Variants in FAT3 observed in about 807,000 individuals in gnomAD.
FAT3 encodes FAT atypical cadherin 3.
A neutral mutation model predicts 310.2 loss-of-function variants in FAT3; 95 were observed. That is an observed-to-expected ratio of 0.31 (90% CI 0.26 to 0.36). FAT3 has a LOEUF of 0.36. Ranked by LOEUF, FAT3 falls within the 10% of genes least tolerant of loss-of-function variation. The pLI is 1.00. For synonymous variants in FAT3, 2,314 were observed against 2,192.9 expected (o/e 1.06, Z -1.54); for missense variants, 5,408 against 5,715.6 (o/e 0.95, Z 1.74).
rs138765101 is a variant in FAT3 at position 92,834,410 on chromosome 11, T to C, written c.9872-460T>C. Among the ~76,000 whole-genome samples, 836 of 152,350 alleles carry C rather than the reference T, an allele frequency of 5.5e-3. 5 individuals carry two copies. The highest frequency in any genetic ancestry group is 9.7e-3 in the Non-Finnish European group (662 of 68,030). On this transcript the variant is annotated intron_variant, in intron 14 of 27. Transcript: ENST00000525166. ...ATTTTAACTTGGCAAGGCACCTTTGTGGTTAATTCAATTCAGTGAAGTCTG... is the reference window on the plus strand; with the variant it reads ...ATTTTAACTTGGCAAGGCACCTTTGCGGTTAATTCAATTCAGTGAAGTCTG...
At chr11:92,565,169 A>T (rs1308252175) in intron 3 of FAT3, among the ~76,000 whole-genome samples, 1 of 145,876 alleles carries the variant, frequency 6.9e-6, no homozygotes, top group African/African-American at 2.5e-5. Context: ...AAGAGAGAAG[A>T]ATCAAATAGA....
chr11:92,408,305 C>T (rs1198895063), intron 2 of FAT3: 1 of 152,200 alleles, frequency 6.6e-6, no homozygotes, highest in Non-Finnish European at 1.5e-5. Flanking sequence ...CCAAATGTAG[C>T]CACAAAGTGG....
intron 2 of FAT3, among the ~76,000 whole-genome samples, chr11:92,475,906 A>G (rs903448702): frequency 6.6e-6 from 1 of 152,224 alleles, no homozygotes. Flanking sequence ...AGAGCAGGTC[A>G]TAAAATCAAG....
intron 1 of FAT3, among the ~76,000 whole-genome samples, chr11:92,283,033 T>C (rs182158951): frequency 1.2e-3 from 181 of 152,264 alleles, no homozygotes; most frequent in African/African-American, 4.0e-3. Context: ...CTTAAACAGA[T>C]AGTAGAGATG....
chr11:92,802,023 A>C (rs1947374410), intron 10 of FAT3, 114 bp downstream of exon 10: 1 of 1,033,136 alleles, frequency 9.7e-7, no homozygotes, highest in Non-Finnish European at 1.4e-6. Flanking sequence ...CAGTGTAATG[A>C]AGCCTCTCTG....
intron 14 of FAT3, among the ~76,000 whole-genome samples, chr11:92,832,813 C>T (rs3847537): frequency 0.8 from 122,052 of 152,014 alleles, 49,286 homozygotes; most frequent in Non-Finnish European, 0.84. Context: ...ATCACATGCA[C>T]AGGCAGACAC....
intron 1 of FAT3, among the ~76,000 whole-genome samples, chr11:92,229,239 G>A (rs1864044170): frequency 6.6e-6 from 1 of 152,122 alleles, no homozygotes; most frequent in Non-Finnish European, 1.5e-5. Context: ...TGTTGAATAT[G>A]TCATTTTCAT....
At chr11:92,388,825 G>A (rs969986224) in intron 2 of FAT3, among the ~76,000 whole-genome samples, 4 of 152,202 alleles carry the variant, frequency 2.6e-5, no homozygotes, top group African/African-American at 4.8e-5. Context: ...AGAATGCTTC[G>A]TGGGAAGTCT....
intron 4 of FAT3, among the ~76,000 whole-genome samples, chr11:92,747,980 G>T (rs1591678769): frequency 6.6e-6 from 1 of 152,124 alleles, no homozygotes; most frequent in Admixed American, 6.5e-5. Context: ...TCCAACCTTT[G>T]CCTGTTACTG....
intron 1 of FAT3, chr11:92,314,399 A>G (rs918418471): frequency 5.2e-5 from 27 of 517,942 alleles, no homozygotes; most frequent in Non-Finnish European, 6.5e-5. Flanking sequence ...AACAAGGAAA[A>G]TGCTGGACTG....
At chr11:92,496,742 C>T (rs987600564) in intron 2 of FAT3, among the ~76,000 whole-genome samples, 13 of 151,860 alleles carry the variant, frequency 8.6e-5, no homozygotes, top group South Asian at 2.1e-4. Flanking sequence ...TGCAGCCCCA[C>T]GGTGTTAGAT....
intron 1 of FAT3, among the ~76,000 whole-genome samples, 123 bp downstream of exon 1, chr11:92,225,297 G>T (rs1863856398): frequency 6.6e-6 from 1 of 152,192 alleles, no homozygotes; most frequent in Admixed American, 6.5e-5. Flanking sequence ...GGAGGCGAGA[G>T]CCGACGAAGC....
At chr11:92,350,571 G>T (rs377273225) in intron 1 of FAT3, among the ~76,000 whole-genome samples, 100 of 152,060 alleles carry the variant, frequency 6.6e-4, no homozygotes, top group African/African-American at 2.3e-3. Context: ...GAGTGATTGT[G>T]TGATGGGGAA....
Position 92,824,381 on chromosome 11 carries a change from A to C in FAT3, c.9482-7241A>C, listed in dbSNP as rs576418408. 2.6e-5 allele frequency among the ~76,000 whole-genome samples: 4 copies of C among 152,232 alleles called. No homozygotes were observed. In the South Asian group the frequency reaches 8.3e-4, roughly 32 times the overall value. The stretch of plus-strand genomic sequence containing the variant: ...CAAAAAAAAGAAAGAAAGAAAGAAA[A>C]TCATTTTTAAATCACATTTCTTTAA... On this transcript the variant is annotated intron_variant, in intron 13 of 27. Transcript: ENST00000525166.
At chr11:92,279,457 CATTT>C (rs1344575993) in intron 1 of FAT3, among the ~76,000 whole-genome samples, 1 of 152,218 alleles carries the variant, frequency 6.6e-6, no homozygotes, top group African/African-American at 2.4e-5. Context: ...ATGTATCATT[CATTT>C]ACTTTTCTAA....
chr11:92,316,294 A>C (rs1423060352), intron 1 of FAT3, among the ~76,000 whole-genome samples: 1 of 152,158 alleles, frequency 6.6e-6, no homozygotes, highest in Admixed American at 6.5e-5. Context: ...ACTGAAAAGG[A>C]GTGAGATTTC....
rs746160052 is a variant in FAT3, at chr11:92,269,805, A to G, written c.-18+44631A>G. Among the ~76,000 whole-genome samples, 4 of 152,104 alleles carry G rather than the reference A, an allele frequency of 2.6e-5. No individual in the cohort carries two copies. In the East Asian group the frequency reaches 5.8e-4, roughly 22 times the overall value. On this transcript the variant is annotated intron_variant, in intron 1 of 27. Transcript: ENST00000525166. Reference sequence around the variant, plus strand: ...CAAGAACTCCATTATCTTGACAGCAATGTAGCCACTGTACCCCACTTCCCC... The same window carrying G: ...CAAGAACTCCATTATCTTGACAGCAGTGTAGCCACTGTACCCCACTTCCCC...
intron 6 of FAT3, among the ~76,000 whole-genome samples, chr11:92,766,218 A>T (rs1946305837): frequency 6.6e-6 from 1 of 152,178 alleles, no homozygotes; most frequent in African/African-American, 2.4e-5. Context: ...CTGGAGAGGA[A>T]ATGAGTGCCG....
chr11:92,618,206 C>G (rs923296776), intron 3 of FAT3, among the ~76,000 whole-genome samples: 1 of 152,206 alleles, frequency 6.6e-6, no homozygotes, highest in African/African-American at 2.4e-5. Flanking sequence ...CCCAGCCTTG[C>G]TGCCTTGCAG....
Sources: gnomAD v4.1 joint callset for allele counts (sites outside exome capture counted in the v4.1 genomes callset) on GRCh38, gnomAD v4.1.1 for gene constraint, MANE v1.5 for transcripts, NCBI Gene and HGNC (gene_info 2026-07-23, HGNC 2026-07-21) for gene names.